Variants in EPB41L1 observed in about 807,000 individuals in gnomAD.
EPB41L1 encodes the protein band 4.1-like protein 1.
A neutral mutation model predicts 97.8 loss-of-function variants in EPB41L1; 29 were observed. The observed-to-expected ratio is 0.30, with a 90% CI of 0.22 to 0.40. The LOEUF (loss-of-function observed/expected upper bound fraction) is 0.40. Ranked by LOEUF, EPB41L1 falls within the 10% of genes least tolerant of loss-of-function variation. The probability of loss-of-function intolerance (pLI) is 1.00; values close to 1 mark genes in which losing one functional copy is unlikely to be tolerated. For missense variants in EPB41L1, 812 were observed against 1,162.3 expected (o/e 0.70, Z 4.38); for synonymous variants, 383 against 459.2 (o/e 0.83, Z 2.12).
At chr20:36,117,776 T>C (rs2058630919) in intron 2 of EPB41L1, among the ~76,000 whole-genome samples, 1 of 152,222 alleles carries the variant, frequency 6.6e-6, no homozygotes, top group South Asian at 2.1e-4. Context: ...TTAGTCCCTC[T>C]CTACATCCAG....
At chr20:36,164,603 A>C (rs2060662328) in intron 1 of EPB41L1, among the ~76,000 whole-genome samples, 1 of 152,220 alleles carries the variant, frequency 6.6e-6, no homozygotes, top group South Asian at 2.1e-4. Flanking sequence ...ATACAAAGAC[A>C]TGCTTCTTGT....
chr20:36,183,235 C>G (rs2061541577), intron 6 of EPB41L1, among the ~76,000 whole-genome samples: 4 of 152,164 alleles, frequency 2.6e-5, no homozygotes. Context: ...TTGGAGTTCC[C>G]CTACAGCAGG....
chr20:36,154,218 A>T (rs567937594), upstream of EPB41L1, among the ~76,000 whole-genome samples: 10 of 152,210 alleles, frequency 6.6e-5, no homozygotes, highest in African/African-American at 2.4e-4. This position sits in a 1 kb window ranked among gnomAD's most constrained non-coding sequence, Gnocchi z 5.5. Flanking sequence ...GCTGTGCTGC[A>T]GGGGTGGTGA....
chr20:36,184,105 T>C (rs1431421182), intron 6 of EPB41L1, among the ~76,000 whole-genome samples: 1 of 151,998 alleles, frequency 6.6e-6, no homozygotes, highest in East Asian at 1.9e-4. Context: ...CGTGGTGGCA[T>C]GTGGCTGTAA....
chr20:36,187,001 G>T (rs117721976), intron 7 of EPB41L1, among the ~76,000 whole-genome samples: 178 of 152,236 alleles, frequency 1.2e-3, no homozygotes, highest in Middle Eastern at 3.4e-3. Flanking sequence ...CTCTGTGCCG[G>T]TTTTTTCATC....
intron 14 of EPB41L1, among the ~76,000 whole-genome samples, chr20:36,202,683 C>T (rs1163579085): frequency 2.6e-5 from 4 of 151,704 alleles, no homozygotes; most frequent in Admixed American, 6.6e-5. Context: ...CGTGGTGGCG[C>T]GTGCCTGTAA....
chr20:36,155,752 T>C, intron 1 of EPB41L1: 1 of 422,690 alleles, frequency 2.4e-6, no homozygotes, highest in Non-Finnish European at 4.8e-6. Context: ...GCTCTGAGGA[T>C]GCATTGGTGG....
At chr20:36,180,915 T>C (rs1405251901) in intron 5 of EPB41L1, among the ~76,000 whole-genome samples, 1 of 152,152 alleles carries the variant, frequency 6.6e-6, no homozygotes, top group African/African-American at 2.4e-5. Flanking sequence ...AGAGTTAGGA[T>C]CCCCATTCTC....
Position 36,128,638 on chromosome 20 carries a change from G to A in EPB41L1, c.-10+16158G>A, listed in dbSNP as rs117964270. ...CACAGGCTGCCCAGGAGGATGACCC[G>A]TGCATTTGGGCTGTAAGCAATGTCA... On this transcript the variant is annotated intron_variant, in intron 2 of 19. Coordinates refer to the EPB41L1 transcript ENST00000202028. 1.6e-4 allele frequency among the ~76,000 whole-genome samples: 24 copies of A among 152,276 alleles called. No homozygotes were observed. The East Asian group carries it at 3.7e-3, about 23-fold the overall frequency.
intron 11 of EPB41L1, among the ~76,000 whole-genome samples, chr20:36,193,835 C>T (rs1424865956): frequency 6.6e-6 from 1 of 152,232 alleles, no homozygotes; most frequent in Non-Finnish European, 1.5e-5. Context: ...GCCACTCTTC[C>T]ATAAATATTT....
chr20:36,117,986 C>A (rs1291717988), intron 2 of EPB41L1, among the ~76,000 whole-genome samples: 3 of 152,204 alleles, frequency 2.0e-5, no homozygotes, highest in African/African-American at 7.2e-5. Context: ...ACAAAGTAGA[C>A]AAGATTAGCC....
rs201717665 is a variant in EPB41L1 at position 36,160,342 on chromosome 20, G to A, written c.-15+5446G>A. ...CTCATGCCTATAATCCCAGCACTCT[G>A]GGAGGCTGAGGCGGGTAGATCACCT... On this transcript the variant is annotated intron_variant, in intron 1 of 21. Coordinates refer to ENST00000338074, the MANE Select transcript of EPB41L1 (RefSeq NM_012156.2). Among the ~76,000 whole-genome samples, 12 of 152,320 alleles carry A rather than the reference G, an allele frequency of 7.9e-5. No homozygotes were observed. In the East Asian group the frequency reaches 1.7e-3, roughly 22 times the overall value.
intron 14 of EPB41L1, among the ~76,000 whole-genome samples, chr20:36,208,874 G>T (rs943785075): frequency 6.6e-6 from 1 of 152,194 alleles, no homozygotes; most frequent in Non-Finnish European, 1.5e-5. Flanking sequence ...CCAGGGTGGA[G>T]CTGGCGTAGC....
At chr20:36,107,703 C>G (rs1273964424) in intron 1 of EPB41L1, among the ~76,000 whole-genome samples, 4 of 151,194 alleles carry the variant, frequency 2.6e-5, no homozygotes, top group African/African-American at 9.7e-5. Flanking sequence ...GGTGCACGTG[C>G]CTGTAATTCC....
chr20:36,162,631 C>T lies in EPB41L1; in HGVS notation c.-15+7735C>T, dbSNP rs1019225256. On this transcript the variant is annotated intron_variant, in intron 1 of 21. Coordinates refer to ENST00000338074, the MANE Select transcript of EPB41L1 (RefSeq NM_012156.2). ...GGAGGTCTCTCTCTGCCTTCTGCATCGTCATCAGGATGGGCCAGGTGGGAC... is the reference window on the plus strand; with the variant it reads ...GGAGGTCTCTCTCTGCCTTCTGCATTGTCATCAGGATGGGCCAGGTGGGAC... Among the ~76,000 whole-genome samples, 5 of 152,212 alleles carry T rather than the reference C, an allele frequency of 3.3e-5. No individual in the cohort carries two copies. In the East Asian group the frequency reaches 5.8e-4, roughly 18 times the overall value.
At chr20:36,215,655 A>G (rs2063399078) in intron 17 of EPB41L1, among the ~76,000 whole-genome samples, 1 of 152,148 alleles carries the variant, frequency 6.6e-6, no homozygotes, top group African/African-American at 2.4e-5. Flanking sequence ...GTAGGGCTAA[A>G]TTTAAATCCG....
intron 1 of EPB41L1, among the ~76,000 whole-genome samples, chr20:36,165,363 A>G (rs960509466): frequency 6.6e-6 from 1 of 151,922 alleles, no homozygotes; most frequent in Non-Finnish European, 1.5e-5. Context: ...TGATGTGGAC[A>G]GGGTCTCTCA....
intron 2 of EPB41L1, among the ~76,000 whole-genome samples, chr20:36,114,223 T>C (rs576347813): frequency 3.7e-4 from 56 of 152,318 alleles, no homozygotes; most frequent in African/African-American, 1.2e-3. Flanking sequence ...TCAAATCTCT[T>C]TGGGCAACAG....
chr20:36,198,734 C>T (rs181513962), intron 14 of EPB41L1, among the ~76,000 whole-genome samples: 26 of 152,310 alleles, frequency 1.7e-4, no homozygotes, highest in Admixed American at 1.4e-3. Flanking sequence ...TAAATCTTGG[C>T]GATATTTACC....
Sources: gnomAD v4.1 joint callset for allele counts (sites outside exome capture counted in the v4.1 genomes callset) on GRCh38, gnomAD v4.1.1 for gene constraint, Gnocchi (gnomAD v3.1) non-coding constraint, MANE v1.5 for transcripts, NCBI Gene and HGNC (gene_info 2026-07-23, HGNC 2026-07-21) for gene names.